CHSY3: variants seen among roughly 807,000 people sequenced by gnomAD.
CHSY3 encodes the protein N-acetylgalactosaminyl-proteoglycan 3-beta-glucuronosyltransferase 3.
Under a neutral mutation model 67.2 loss-of-function variants are expected in CHSY3, and 35 were observed. That is an observed-to-expected ratio of 0.52 (90% CI 0.40 to 0.69). CHSY3 has a LOEUF of 0.69. CHSY3 is among the 30% of genes least tolerant of loss of function. The pLI, the probability that CHSY3 is intolerant of heterozygous loss-of-function variation, is 0.00. For synonymous variants in CHSY3, 474 were observed against 434.7 expected, an observed-to-expected ratio of 1.09 and a Z score of -1.12; for missense variants, 1,069 against 1,138.5, an observed-to-expected ratio of 0.94 and a Z score of 0.88.
At chr5:129,989,262 C>CTT (rs10632773) in intron 2 of CHSY3, among the ~76,000 whole-genome samples, 21,009 of 138,250 alleles carry the variant, frequency 0.15, 2,520 homozygotes, top group African/African-American at 0.32. Flanking sequence ...CAAACTTGTT[C>CTT]TTTTTTTTTT....
intron 2 of CHSY3, among the ~76,000 whole-genome samples, chr5:130,152,887 A>G (rs1261499239): frequency 1.3e-5 from 2 of 152,214 alleles, no homozygotes; most frequent in African/African-American, 4.8e-5. Context: ...TTCTGTGTAC[A>G]TCATCTCTGT....
chr5:130,155,444 G>A (rs1404557911), intron 2 of CHSY3, among the ~76,000 whole-genome samples: 2 of 152,166 alleles, frequency 1.3e-5, no homozygotes, highest in African/African-American at 2.4e-5. Context: ...TGGCAGCACA[G>A]GAATGAAGTG....
chr5:130,011,085 A>G (rs529084217), intron 2 of CHSY3, among the ~76,000 whole-genome samples: 27 of 152,318 alleles, frequency 1.8e-4, no homozygotes. Flanking sequence ...AAACTATTCC[A>G]TTGACTTGAG....
chr5:129,915,561 A>G (rs150412060), intron 2 of CHSY3, among the ~76,000 whole-genome samples: 136 of 152,252 alleles, frequency 8.9e-4, no homozygotes, highest in African/African-American at 3.1e-3. Flanking sequence ...GTTTTACTCA[A>G]CCTTTGTAAT....
intron 2 of CHSY3, among the ~76,000 whole-genome samples, chr5:130,179,552 G>A (rs1210969791): frequency 2.0e-5 from 3 of 151,354 alleles, no homozygotes; most frequent in Non-Finnish European, 4.4e-5. Context: ...TTATTTCTTT[G>A]TTCTTTGAGC....
chr5:130,005,444 C>T (rs1389811738), intron 2 of CHSY3, among the ~76,000 whole-genome samples: 1 of 151,306 alleles, frequency 6.6e-6, no homozygotes, highest in African/African-American at 2.4e-5. Context: ...AAAAAAAACA[C>T]GTTATAATAT....
chr5:130,098,178 A>T (rs1195167225), intron 2 of CHSY3, among the ~76,000 whole-genome samples: 1 of 152,230 alleles, frequency 6.6e-6, no homozygotes, highest in African/African-American at 2.4e-5. Flanking sequence ...AGTATCCCTC[A>T]TGAGAACCCT....
chr5:130,161,314 G>A (rs1342929093), intron 2 of CHSY3, among the ~76,000 whole-genome samples: 3 of 152,032 alleles, frequency 2.0e-5, no homozygotes, highest in Non-Finnish European at 4.4e-5. Context: ...GCTCTTTCTG[G>A]ATTGTTCGTT....
At chr5:130,074,486 A>G (rs1236862393) in intron 2 of CHSY3, among the ~76,000 whole-genome samples, 1 of 152,214 alleles carries the variant, frequency 6.6e-6, no homozygotes, top group Non-Finnish European at 1.5e-5. Flanking sequence ...GATGAATTTG[A>G]TATAACCAAA....
At chr5:130,148,884 A>C (rs939224458) in intron 2 of CHSY3, among the ~76,000 whole-genome samples, 1 of 151,986 alleles carries the variant, frequency 6.6e-6, no homozygotes, top group Non-Finnish European at 1.5e-5. Flanking sequence ...TGCTGTGCAG[A>C]GTTCTTTAGT....
intron 1 of CHSY3, 36 bp downstream of exon 1, chr5:129,905,667 C>T: frequency 6.2e-7 from 1 of 1,602,236 alleles, no homozygotes; most frequent in Non-Finnish European, 8.5e-7. Flanking sequence ...GCCTGCCAGT[C>T]TCCCCGACTC....
chr5:130,161,340 A>G (rs1203742924), intron 2 of CHSY3, among the ~76,000 whole-genome samples: 2 of 152,124 alleles, frequency 1.3e-5, no homozygotes, highest in Non-Finnish European at 2.9e-5. Flanking sequence ...CTACTGATCT[A>G]TTTATCTATC....
intron 2 of CHSY3, among the ~76,000 whole-genome samples, chr5:130,028,693 A>ATCTCTG (rs1364938815): frequency 3.3e-5 from 5 of 151,344 alleles, no homozygotes; most frequent in African/African-American, 4.9e-5. Flanking sequence ...GCTGGAAAAA[A>ATCTCTG]TCTCTGTCTC....
At chr5:130,050,464 T>G (rs1300341822) in intron 2 of CHSY3, among the ~76,000 whole-genome samples, 1 of 152,168 alleles carries the variant, frequency 6.6e-6, no homozygotes, top group Non-Finnish European at 1.5e-5. Context: ...AATCTGGTTT[T>G]GACCAGCTGC....
At chr5:130,136,638 C>T (rs1299900252) in intron 2 of CHSY3, among the ~76,000 whole-genome samples, 3 of 152,132 alleles carry the variant, frequency 2.0e-5, no homozygotes, top group Non-Finnish European at 4.4e-5. Context: ...ACTTTATTCA[C>T]TCCTGAGTCA....
At chr5:130,142,399 C>G (rs1276767345) in intron 2 of CHSY3, among the ~76,000 whole-genome samples, 1 of 152,158 alleles carries the variant, frequency 6.6e-6, no homozygotes, top group Non-Finnish European at 1.5e-5. Context: ...AAGTAAGAGT[C>G]GTGACCTTTT....
At chr5:129,957,637 T>C (rs1385019503) in intron 2 of CHSY3, among the ~76,000 whole-genome samples, 1 of 152,144 alleles carries the variant, frequency 6.6e-6, no homozygotes, top group Non-Finnish European at 1.5e-5. Flanking sequence ...AAGATATGGA[T>C]CAACTGTGTT....
chr5:129,985,451 G>GT (rs1407039939), intron 2 of CHSY3, among the ~76,000 whole-genome samples: 1 of 151,510 alleles, frequency 6.6e-6, no homozygotes, highest in Non-Finnish European at 1.5e-5. Context: ...TTGAAGTCAA[G>GT]TAGTGTGATG....
At chr5:129,960,306 T>C (rs370279548) in intron 2 of CHSY3, among the ~76,000 whole-genome samples, 6 of 152,218 alleles carry the variant, frequency 3.9e-5, no homozygotes, top group East Asian at 1.9e-4. Flanking sequence ...TTGAAGGTTT[T>C]TGGCCAAAAA....
Sources: gnomAD v4.1 joint callset for allele counts (sites outside exome capture counted in the v4.1 genomes callset) on GRCh38, gnomAD v4.1.1 for gene constraint, MANE v1.5 for transcripts, NCBI Gene and HGNC (gene_info 2026-07-23, HGNC 2026-07-21) for gene names.